XPR1: variants seen among roughly 807,000 people sequenced by gnomAD.
XPR1 encodes xenotropic and polytropic retrovirus receptor 1, also known as solute carrier family 53 member 1.
Under a neutral mutation model 87.5 loss-of-function variants are expected in XPR1, and 28 were observed. The observed-to-expected ratio is 0.32, with a 90% confidence interval of 0.24 to 0.44. The LOEUF (loss-of-function observed/expected upper bound fraction) is 0.44. Among genes scored for constraint, XPR1 ranks in the 20% least tolerant of loss-of-function variants. The pLI is 1.00. For synonymous variants in XPR1, 300 were observed against 306.1 expected (o/e 0.98, Z 0.21); for missense variants, 559 against 862.3 (o/e 0.65, Z 4.41).
chr1:180,763,396 T>C (rs1048923544), intron 2 of XPR1, among the ~76,000 whole-genome samples: 3 of 152,200 alleles, frequency 2.0e-5, no homozygotes, highest in African/African-American at 7.2e-5. Flanking sequence ...TGAAGGATTT[T>C]GTATGTCAAG....
At chr1:180,755,675 A>G (rs1430714010) in intron 2 of XPR1, among the ~76,000 whole-genome samples, 1 of 152,200 alleles carries the variant, frequency 6.6e-6, no homozygotes, top group Non-Finnish European at 1.5e-5. Context: ...TATGGTATTT[A>G]TGTATTTCTT....
intron 3 of XPR1, among the ~76,000 whole-genome samples, chr1:180,794,006 G>GT (rs1485462899): frequency 9.2e-5 from 14 of 151,986 alleles, no homozygotes; most frequent in Admixed American, 6.6e-4. Context: ...GTAAATAATG[G>GT]GTTTTTTTTA....
intron 11 of XPR1, among the ~76,000 whole-genome samples, chr1:180,862,615 TAATG>T (rs1412274484): frequency 6.6e-6 from 1 of 152,148 alleles, no homozygotes; most frequent in African/African-American, 2.4e-5. Context: ...TATCAATTTA[TAATG>T]AATGAATGTT....
At chr1:180,848,301 C>G (rs1651755075) in intron 11 of XPR1, among the ~76,000 whole-genome samples, 1 of 152,160 alleles carries the variant, frequency 6.6e-6, no homozygotes, top group South Asian at 2.1e-4. Flanking sequence ...TAACAAATCT[C>G]TCCCTATCCT....
Position 180,673,300 on chromosome 1 carries a change from T to C in XPR1, c.70-9060T>C, listed in dbSNP as rs151068279. 4.0e-3 allele frequency among the ~76,000 whole-genome samples: 603 copies of C among 152,316 alleles called. 8 individuals carry two copies. Among genetic ancestry groups the C allele is most frequent in the African/African-American group, 0.014 (582 of 41,578 alleles). Reference sequence around the variant, plus strand: ...TATTTTTACAAAAAAAGGTATATTGTACAAAATTTAAGTAATTTTTTAGAT... The same window carrying C: ...TATTTTTACAAAAAAAGGTATATTGCACAAAATTTAAGTAATTTTTTAGAT... On this transcript the variant is annotated intron_variant, in intron 1 of 14. Transcript: ENST00000367590.
At chr1:180,661,787 A>G (rs545216832) in intron 1 of XPR1, among the ~76,000 whole-genome samples, 150 of 152,238 alleles carry the variant, frequency 9.9e-4, no homozygotes, top group Non-Finnish European at 1.9e-3. Context: ...CGGCAGGAGA[A>G]TCGCTTGAAC....
intron 2 of XPR1, among the ~76,000 whole-genome samples, chr1:180,754,281 A>C (rs1448133792): frequency 6.6e-6 from 1 of 152,108 alleles, no homozygotes; most frequent in East Asian, 1.9e-4. Flanking sequence ...CTTTTAATTG[A>C]TAGGTATATG....
chr1:180,711,680 A>C (rs138928301), intron 2 of XPR1, among the ~76,000 whole-genome samples: 3 of 152,176 alleles, frequency 2.0e-5, no homozygotes, highest in African/African-American at 7.2e-5. Context: ...TAGATTTTGC[A>C]AAGATTTTTC....
chr1:180,703,181 G>T (rs1403664876), intron 2 of XPR1, among the ~76,000 whole-genome samples: 2 of 152,080 alleles, frequency 1.3e-5, no homozygotes, highest in Non-Finnish European at 2.9e-5. Context: ...GTGGCAGTGG[G>T]CAAGGTGGGC....
At chr1:180,865,299 G>A (rs1354370882) in intron 12 of XPR1, among the ~76,000 whole-genome samples, 1 of 152,046 alleles carries the variant, frequency 6.6e-6, no homozygotes, top group Non-Finnish European at 1.5e-5. Flanking sequence ...TCAGAGAGTA[G>A]ATAGGAGCTC....
At chr1:180,726,504 G>A (rs572214275) in intron 2 of XPR1, among the ~76,000 whole-genome samples, 55 of 152,288 alleles carry the variant, frequency 3.6e-4, no homozygotes, top group African/African-American at 9.4e-4. Flanking sequence ...CGGAAACTCC[G>A]GACACAGTTC....
At chr1:180,677,875 G>A (rs1656419801) in intron 1 of XPR1, among the ~76,000 whole-genome samples, 1 of 152,200 alleles carries the variant, frequency 6.6e-6, no homozygotes, top group Admixed American at 6.5e-5. Flanking sequence ...TAGAAGCAAG[G>A]TAGAGTTGGT....
intron 2 of XPR1, among the ~76,000 whole-genome samples, chr1:180,740,548 T>A (rs1038622894): frequency 6.6e-6 from 1 of 152,204 alleles, no homozygotes; most frequent in East Asian, 1.9e-4. Context: ...TACATATTGT[T>A]GGATTCAGTT....
At chr1:180,786,933 A>G (rs1278313568) in intron 2 of XPR1, among the ~76,000 whole-genome samples, 1 of 152,232 alleles carries the variant, frequency 6.6e-6, no homozygotes, top group African/African-American at 2.4e-5. Context: ...TCTTCAGTGC[A>G]GACTTCTTTC....
intron 1 of XPR1, among the ~76,000 whole-genome samples, chr1:180,651,598 A>T (rs910818995): frequency 2.6e-5 from 4 of 152,146 alleles, no homozygotes; most frequent in Non-Finnish European, 5.9e-5. Flanking sequence ...CTTAGATTTG[A>T]TAAAATACAA....
At chr1:180,702,808 A>G (rs966004109) in intron 2 of XPR1, among the ~76,000 whole-genome samples, 3 of 150,206 alleles carry the variant, frequency 2.0e-5, no homozygotes, top group South Asian at 2.1e-4. Context: ...TTTTCTTTTT[A>G]CTGGAGAACT....
intron 11 of XPR1, among the ~76,000 whole-genome samples, chr1:180,845,641 C>G (rs1355603999): frequency 6.6e-6 from 1 of 152,194 alleles, no homozygotes; most frequent in Non-Finnish European, 1.5e-5. Context: ...CCACCTCAGC[C>G]TCCTGAGTAG....
At chr1:180,831,483 G>A (rs1005246005) in intron 9 of XPR1, among the ~76,000 whole-genome samples, 1 of 150,144 alleles carries the variant, frequency 6.7e-6, no homozygotes, top group African/African-American at 2.5e-5. Context: ...TGCCATGGTG[G>A]TTTGCAGCAC....
intron 7 of XPR1, among the ~76,000 whole-genome samples, chr1:180,813,048 C>CT (rs199514965): frequency 3.4e-5 from 5 of 147,198 alleles, no homozygotes; most frequent in African/African-American, 7.4e-5. Context: ...TTTCCCCCCC[C>CT]CCAATGGAAG....
Sources: gnomAD v4.1 joint callset for allele counts (sites outside exome capture counted in the v4.1 genomes callset) on GRCh38, gnomAD v4.1.1 for gene constraint, MANE v1.5 for transcripts, NCBI Gene and HGNC (gene_info 2026-07-23, HGNC 2026-07-21) for gene names.